GGA1: variants seen among roughly 807,000 people sequenced by gnomAD.
GGA1 encodes golgi associated, gamma adaptin ear containing, ARF binding protein 1, also known as ADP-ribosylation factor-binding protein GGA1.
In GGA1, 18 loss-of-function variants were observed where a neutral mutation model predicts 76.9. The observed-to-expected ratio is 0.23, with a 90% CI of 0.16 to 0.35. The LOEUF (loss-of-function observed/expected upper bound fraction) is 0.35. Ranked by LOEUF, GGA1 falls within the 10% of genes least tolerant of loss-of-function variation. The probability of loss-of-function intolerance (pLI) is 1.00; values close to 1 mark genes in which losing one functional copy is unlikely to be tolerated. For synonymous variants in GGA1, 342 were observed against 354.7 expected, an observed-to-expected ratio of 0.96 and a Z score of 0.40; for missense variants, 755 against 859.0, an observed-to-expected ratio of 0.88 and a Z score of 1.51.
Position 37,631,990 on chromosome 22 carries a change from CCA to C in GGA1, c.1529-3_1529-2del. The stretch of plus-strand genomic sequence containing the variant: ...TGTCCCATCGCCCTCCCACCTTCTC[CCA>C]CAGGCAACATCCTGCCCGTGACTGT... On this transcript the variant is annotated splice_region_variant and splice_polypyrimidine_tract_variant and intron_variant, in intron 14 of 16. Transcript: ENST00000343632. 1 of 1,599,428 alleles carries C rather than the reference CCA, an allele frequency of 6.3e-7. No individual in the cohort carries two copies. The highest frequency in any genetic ancestry group is 1.1e-5 in the South Asian group (1 of 90,592).
chr22:37,631,193 C>G, intron 14 of GGA1, 94 bp downstream of exon 14: 1 of 1,061,582 alleles, frequency 9.4e-7, no homozygotes, highest in Admixed American at 3.1e-5. Context: ...AAGCAGGGCT[C>G]CCCTGGCTCT....
Position 37,632,096 on chromosome 22 carries a change from G to A in GGA1, c.1629G>A (p.Val543=), listed in dbSNP as rs1257862447. Residue 543 remains valine, a synonymous_variant, in exon 15 of 17, where the codon GTG becomes GTA. Transcript: ENST00000343632. The surrounding 1 kb of genome is among the most constrained non-coding windows in gnomAD (Gnocchi z 5.1). ...CAGGGCGCTCCGACGTGCTGGTGGT[G>A]GTGGTTTCCATGCTGAGCACCGCCC... The part of the protein sequence containing the change: ...PLPGRSDVLV[V]VVSMLSTAPQ... 1 of 1,613,682 alleles carries A rather than the reference G, an allele frequency of 6.2e-7. No homozygotes were observed. Among genetic ancestry groups the A allele is most frequent in the Non-Finnish European group, 8.5e-7 (1 of 1,179,984 alleles).
At position 37,623,750 on chromosome 22, in the gene GGA1, C is replaced by T. The variant is rs1029298218; in HGVS notation, c.832+117C>T. On this transcript the variant is annotated intron_variant, in intron 9 of 16. Coordinates refer to ENST00000343632, the MANE Select transcript of GGA1 (RefSeq NM_013365.5). This position sits in a 1 kb window ranked among gnomAD's most constrained non-coding sequence, Gnocchi z 4.6. Reference sequence around the variant, plus strand: ...TGGAAGGAGCCACCACCAGGGGGCCCCCTTCTCCAGCACCGACCTTGGGTT... The same window carrying T: ...TGGAAGGAGCCACCACCAGGGGGCCTCCTTCTCCAGCACCGACCTTGGGTT... 1.4e-6 allele frequency: 1 copy of T among 729,158 alleles called. No homozygotes were observed. Among genetic ancestry groups the T allele is most frequent in the Non-Finnish European group, 2.4e-6 (1 of 424,636 alleles). 45.2% of individuals were successfully genotyped at this position (729,158 alleles called of 1,614,324 possible).
At chr22:37,614,406 T>G in intron 2 of GGA1, 132 bp downstream of exon 2, 1 of 664,982 alleles carries the variant, frequency 1.5e-6, no homozygotes, top group Non-Finnish European at 2.7e-6. Flanking sequence ...GATGGGGCAC[T>G]TGGCACTGAA....
intron 14 of GGA1, among the ~76,000 whole-genome samples, chr22:37,631,554 C>A (rs980996007): frequency 6.6e-6 from 1 of 152,194 alleles, no homozygotes; most frequent in African/African-American, 2.4e-5. Context: ...TCTATGAGCT[C>A]CCTGTGACCA....
At chr22:37,609,126 TCCCTGGGCCATGAC>T (rs1360377646) in intron 1 of GGA1, 2 of 1,479,634 alleles carry the variant, frequency 1.4e-6, no homozygotes, top group African/African-American at 3.0e-5. Flanking sequence ...ACCTGTCGGA[TCCCTGGGCCATGAC>T]CCCTGGGACG....
intron 1 of GGA1, chr22:37,612,882 G>A: frequency 1.0e-6 from 1 of 981,298 alleles, no homozygotes. Context: ...GGGGTTAAAG[G>A]GGTAGCTGTC....
chr22:37,617,474 C>A (rs993536898), intron 3 of GGA1: 2 of 997,734 alleles, frequency 2.0e-6, no homozygotes. Context: ...GCATGGGCCA[C>A]ATACCAACCC....
At position 37,625,011 on chromosome 22, in the gene GGA1, A is replaced by T. The variant is rs1256479696; in HGVS notation, c.875A>T (p.Asn292Ile). ...QANDNLTQVINLYKQLVRGEE... is the reference protein window; with the variant it reads ...QANDNLTQVIILYKQLVRGEE... ...AATGACAACCTCACCCAGGTGATCA[A>T]CCTGTATAAGCAGCTGGTGCGGGGT... The change falls in exon 10 of 17, where the codon AAC becomes ATC. Residue 292 changes from asparagine to isoleucine, a missense_variant. Transcript: ENST00000343632. The surrounding 1 kb of genome is among the most constrained non-coding windows in gnomAD (Gnocchi z 4.1). 6.2e-7 allele frequency: 1 copy of T among 1,601,428 alleles called. No individual in the cohort carries two copies. Among genetic ancestry groups the T allele is most frequent in the Non-Finnish European group, 8.5e-7 (1 of 1,174,748 alleles).
chr22:37,614,117 TTTGCCA>T, intron 1 of GGA1, 67 bp from the exon 2 acceptor site: 1 of 1,029,800 alleles, frequency 9.7e-7, no homozygotes, highest in Non-Finnish European at 1.5e-6. Context: ...TGACCACACC[TTTGCCA>T]GGGTCAGGAG....
chr22:37,615,853 T>A (rs1928681121), intron 2 of GGA1, among the ~76,000 whole-genome samples: 2 of 151,926 alleles, frequency 1.3e-5, no homozygotes, highest in Admixed American at 1.3e-4. Flanking sequence ...TTTTATTTTT[T>A]TTTTTGAGAT....
rs775067032 is a variant in GGA1 at position 37,631,980 on chromosome 22, C to T, written c.1529-16C>T. 2.5e-6 allele frequency: 4 copies of T among 1,593,956 alleles called. No individual in the cohort carries two copies. Among genetic ancestry groups the T allele is most frequent in the African/African-American group, 2.7e-5 (2 of 74,800 alleles). On this transcript the variant is annotated splice_polypyrimidine_tract_variant and intron_variant, in intron 14 of 16. Transcript: ENST00000343632. Reference sequence around the variant, plus strand: ...GCAGCTCAGCTGTCCCATCGCCCTCCCACCTTCTCCCACAGGCAACATCCT... The same window carrying T: ...GCAGCTCAGCTGTCCCATCGCCCTCTCACCTTCTCCCACAGGCAACATCCT...
At position 37,625,725 on chromosome 22, in the gene GGA1, C is replaced by A; in HGVS notation, c.941-72C>A. On this transcript the variant is annotated intron_variant, in intron 10 of 16. Transcript: ENST00000343632. The surrounding 1 kb of genome is among the most constrained non-coding windows in gnomAD (Gnocchi z 4.1). ...AGCATCGGGGGTTAGGTGTTGCTCC[C>A]CCGCAACCCCTGTGGACTCTGAGAG... The A allele has an allele frequency of 8.1e-7, 1 of 1,232,356 alleles. No individual in the cohort carries two copies. The highest frequency in any genetic ancestry group is 1.1e-6 in the Non-Finnish European group (1 of 907,838). 76.3% of individuals were successfully genotyped at this position (1,232,356 alleles called of 1,614,324 possible).
chr22:37,618,731 G>C (rs1929281223), intron 4 of GGA1, among the ~76,000 whole-genome samples, 185 bp downstream of exon 4: 1 of 152,220 alleles, frequency 6.6e-6, no homozygotes, highest in African/African-American at 2.4e-5. Flanking sequence ...ACCTGATTCT[G>C]GGACAGCCTG....
chr22:37,624,758 C>G lies in GGA1; in HGVS notation c.833-211C>G, dbSNP rs1930498721. 1 of 589,938 alleles carries G rather than the reference C, an allele frequency of 1.7e-6. No homozygotes were observed. The highest frequency in any genetic ancestry group is 2.9e-6 in the Non-Finnish European group (1 of 344,526). 36.5% of individuals were successfully genotyped at this position (589,938 alleles called of 1,614,324 possible). ...GCCCAGTGTGTTGAGACAGCCCAGG[C>G]AGTATGGCAGGGAGTGAATGAGGGA... On this transcript the variant is annotated intron_variant, in intron 9 of 16. Coordinates refer to ENST00000343632, the MANE Select transcript of GGA1 (RefSeq NM_013365.5). The surrounding 1 kb of genome is among the most constrained non-coding windows in gnomAD (Gnocchi z 4.3).
At chr22:37,614,305 C>G in intron 2 of GGA1, 31 bp downstream of exon 2, 1 of 1,459,130 alleles carries the variant, frequency 6.9e-7, no homozygotes, top group South Asian at 1.1e-5. Context: ...GTTTGCACTG[C>G]CCTGCACTCT....
chr22:37,619,893 C>T, intron 4 of GGA1: 1 of 734,882 alleles, frequency 1.4e-6, no homozygotes, highest in South Asian at 1.4e-5. Context: ...CCTCACCCCT[C>T]CCTGGGCAGC....
intron 3 of GGA1, chr22:37,617,201 G>A (rs962078010): frequency 1.4e-6 from 2 of 1,425,260 alleles, no homozygotes; most frequent in Non-Finnish European, 1.8e-6. Context: ...ATACACGTAG[G>A]CCTGTTGCTG....
rs1178750199 is a variant in GGA1 at position 37,609,218 on chromosome 22, C to T, written c.43+315C>T. ...CCTCCAACCCCCAAGGCTCACATTG[C>T]TTCACGGAGTAGCGGCCCGGGGAAG... On this transcript the variant is annotated intron_variant, in intron 1 of 16. Coordinates refer to ENST00000343632, the MANE Select transcript of GGA1 (RefSeq NM_013365.5). 16 of 1,254,252 alleles carry T rather than the reference C, an allele frequency of 1.3e-5. No individual in the cohort carries two copies. The South Asian group carries it at 1.8e-4, about 14-fold the overall frequency. The allele number at this position is 1,254,252 out of a possible 1,614,324, so 77.7% of individuals were successfully genotyped here.
Sources: allele counts gnomAD v4.1 joint callset (sites outside exome capture counted in the v4.1 genomes callset), GRCh38; gene constraint gnomAD v4.1.1; non-coding constraint Gnocchi (gnomAD v3.1); transcripts MANE v1.5; gene names NCBI Gene and HGNC (gene_info 2026-07-23, HGNC 2026-07-21).